ARHGAP10: variants seen among roughly 807,000 people sequenced by gnomAD.
The protein encoded by ARHGAP10 is Rho GTPase activating protein 10.
A neutral mutation model predicts 108.6 loss-of-function variants in ARHGAP10; 87 were observed. That is an observed-to-expected ratio of 0.80 (90% CI 0.67 to 0.96). ARHGAP10 has a LOEUF of 0.96. ARHGAP10 is among the 40% of genes least tolerant of loss of function. ARHGAP10 has a pLI of 0.00. For synonymous variants in ARHGAP10, 347 were observed against 341.1 expected (o/e 1.02, Z -0.19); for missense variants, 939 against 954.5 (o/e 0.98, Z 0.21).
intron 18 of ARHGAP10, among the ~76,000 whole-genome samples, chr4:147,981,821 C>T (rs1560857687): frequency 1.3e-5 from 2 of 151,806 alleles, no homozygotes. Flanking sequence ...CTTACTTGTC[C>T]TTTTTTTTAC....
chr4:148,004,135 T>C (rs916530830), intron 18 of ARHGAP10, among the ~76,000 whole-genome samples: 3 of 152,190 alleles, frequency 2.0e-5, no homozygotes, highest in Non-Finnish European at 4.4e-5. Flanking sequence ...AGACTGAGGC[T>C]GGAGGAGCCC....
At chr4:147,955,170 C>G (rs762106016) in intron 15 of ARHGAP10, 146 bp from the exon 16 acceptor site, 7 of 734,936 alleles carry the variant, frequency 9.5e-6, no homozygotes, top group African/African-American at 1.8e-5. Flanking sequence ...GTTTATGTAT[C>G]TTTTTTGATA....
Position 147,857,639 on chromosome 4 carries a change from C to G in ARHGAP10, c.471C>G (p.Asp157Glu), listed in dbSNP as rs770485582. The change falls in exon 5 of 23, where the codon GAC (aspartate) becomes GAG (glutamate). Residue 157 changes from aspartate to glutamate, a missense_variant. Coordinates refer to ENST00000336498, the MANE Select transcript of ARHGAP10 (RefSeq NM_024605.4). ...KHLNLSAKKK[D>E]SHLQEADIQV... is the part of the protein sequence containing the mutation. ...TGAATTTATCAGCAAAAAAGAAAGA[C>G]TCACATTTACAAGAGGTATAATTTT... 6.7e-7 allele frequency: 1 copy of G among 1,486,956 alleles called. No individual in the cohort carries two copies. Among genetic ancestry groups the G allele is most frequent in the Non-Finnish European group, 8.9e-7 (1 of 1,119,510 alleles). The allele number at this position is 1,486,956 out of a possible 1,614,324, so 92.1% of individuals were successfully genotyped here.
intron 10 of ARHGAP10, among the ~76,000 whole-genome samples, chr4:147,890,763 G>T (rs1185964707): frequency 6.6e-6 from 1 of 152,126 alleles, no homozygotes; most frequent in Non-Finnish European, 1.5e-5. Context: ...GGAGACGGAG[G>T]TTGCAGTGAG....
At chr4:147,969,891 C>T (rs1473288278) in intron 18 of ARHGAP10, among the ~76,000 whole-genome samples, 1 of 152,118 alleles carries the variant, frequency 6.6e-6, no homozygotes, top group African/African-American at 2.4e-5. Context: ...ATTAAGTGCT[C>T]TCAGGCTTTC....
At chr4:147,942,207 G>T (rs1026513577) in intron 14 of ARHGAP10, among the ~76,000 whole-genome samples, 1 of 152,122 alleles carries the variant, frequency 6.6e-6, no homozygotes, top group South Asian at 2.1e-4. Context: ...TTTTTTCAAG[G>T]AACATTTTGT....
At chr4:147,987,181 A>G (rs1274291735) in intron 18 of ARHGAP10, among the ~76,000 whole-genome samples, 1 of 152,270 alleles carries the variant, frequency 6.6e-6, no homozygotes, top group Non-Finnish European at 1.5e-5. Context: ...AACTGTAAAC[A>G]AATGTATTGA....
At position 147,857,569 on chromosome 4, in the gene ARHGAP10, T is replaced by G; in HGVS notation, c.401T>G (p.Phe134Cys). The G allele has an allele frequency of 6.7e-7, 1 of 1,485,570 alleles. No individual in the cohort carries two copies. The allele number at this position is 1,485,570 out of a possible 1,614,324, so 92.0% of individuals were successfully genotyped here. A position where few individuals can be genotyped will look rare whatever the true frequency, so the allele number is the denominator to read the frequency against. The change falls in exon 5 of 23, where the codon TTT (phenylalanine) becomes TGT (cysteine). Residue 134 changes from phenylalanine to cysteine, a missense_variant. Coordinates refer to ENST00000336498, the MANE Select transcript of ARHGAP10 (RefSeq NM_024605.4). ...LGAVKEEKKK[F>C]DKETEKNYSL... is the part of the protein sequence containing the mutation. ...TATTTGTAGGAAGAAAAAAAGAAGTTTGACAAAGAGACAGAAAAGAATTAT... is the reference window on the plus strand; with the variant it reads ...TATTTGTAGGAAGAAAAAAAGAAGTGTGACAAAGAGACAGAAAAGAATTAT...
chr4:147,933,028 ATC>A (rs1271148517), intron 13 of ARHGAP10, among the ~76,000 whole-genome samples: 2 of 152,128 alleles, frequency 1.3e-5, no homozygotes. Flanking sequence ...AATTATTTCA[ATC>A]TCTCTGTTAA....
intron 4 of ARHGAP10, chr4:147,854,782 A>G (rs1734022647): frequency 3.2e-5 from 32 of 985,356 alleles, no homozygotes; most frequent in Non-Finnish European, 3.9e-5. Flanking sequence ...GAAACAAAAC[A>G]CAGCAGCATT....
At chr4:147,987,421 T>C (rs1291250830) in intron 18 of ARHGAP10, among the ~76,000 whole-genome samples, 1 of 152,212 alleles carries the variant, frequency 6.6e-6, no homozygotes, top group African/African-American at 2.4e-5. Flanking sequence ...CCACTTCCTC[T>C]TTTTACCTTT....
intron 16 of ARHGAP10, among the ~76,000 whole-genome samples, chr4:147,956,536 G>T (rs1194593712): frequency 1.3e-5 from 2 of 152,084 alleles, no homozygotes; most frequent in African/African-American, 2.4e-5. Flanking sequence ...AATTTTTTCG[G>T]CAAAAACTCA....
chr4:148,013,427 G>A (rs1741237286), intron 18 of ARHGAP10, among the ~76,000 whole-genome samples: 1 of 152,162 alleles, frequency 6.6e-6, no homozygotes, highest in Non-Finnish European at 1.5e-5. Flanking sequence ...GAAAAGTTAT[G>A]CCTGTAATCC....
chr4:148,046,880 T>C lies in ARHGAP10; in HGVS notation c.1868-12T>C. ...GTATTTGTTTGATATTCAATGCTTT[T>C]TTTCCTCCTAGGTGACAATCCTTAC... On this transcript the variant is annotated splice_polypyrimidine_tract_variant and intron_variant, in intron 19 of 22. Coordinates refer to ENST00000336498, the MANE Select transcript of ARHGAP10 (RefSeq NM_024605.4). The C allele has an allele frequency of 6.2e-7, 1 of 1,605,302 alleles. No homozygotes were observed. The highest frequency in any genetic ancestry group is 8.5e-7 in the Non-Finnish European group (1 of 1,175,412).
At chr4:147,883,199 G>A (rs1166014737) in intron 10 of ARHGAP10, among the ~76,000 whole-genome samples, 3 of 152,180 alleles carry the variant, frequency 2.0e-5, no homozygotes, top group East Asian at 3.9e-4. Context: ...TTAAATAAGC[G>A]TTTTGCCAAG....
At chr4:147,785,664 A>T (rs970606231) in intron 1 of ARHGAP10, among the ~76,000 whole-genome samples, 1 of 152,148 alleles carries the variant, frequency 6.6e-6, no homozygotes, top group Admixed American at 6.5e-5. Context: ...TGAAAATACT[A>T]AGCTGCTTGA....
At chr4:148,070,337 G>A (rs1730112124) in intron 22 of ARHGAP10, among the ~76,000 whole-genome samples, 2 of 152,172 alleles carry the variant, frequency 1.3e-5, no homozygotes, top group Admixed American at 6.5e-5. Flanking sequence ...TAGCATTCAG[G>A]CCCAAGGGAA....
At position 148,063,141 on chromosome 4, in the gene ARHGAP10, C is replaced by A. The variant is rs374555328; in HGVS notation, c.2028-7C>A. The stretch of plus-strand genomic sequence containing the variant: ...ATTAATCCTGTCCTTCAAACTCCTA[C>A]CCTTAGCCCAGGCCAGACCCGATCG... On this transcript the variant is annotated splice_region_variant and splice_polypyrimidine_tract_variant and intron_variant, in intron 20 of 22. Coordinates refer to ENST00000336498, the MANE Select transcript of ARHGAP10 (RefSeq NM_024605.4). 32 of 1,613,956 alleles carry A rather than the reference C, an allele frequency of 2.0e-5. No individual in the cohort carries two copies. The highest frequency in any genetic ancestry group is 3.3e-5 in the Admixed American group (2 of 59,984).
intron 19 of ARHGAP10, among the ~76,000 whole-genome samples, chr4:148,043,024 T>A (rs986920910): frequency 6.6e-6 from 1 of 152,152 alleles, no homozygotes; most frequent in Non-Finnish European, 1.5e-5. Flanking sequence ...TCTCTAAGGC[T>A]TCCCAAGACC....
Sources: allele counts gnomAD v4.1 joint callset (sites outside exome capture counted in the v4.1 genomes callset), GRCh38; gene constraint gnomAD v4.1.1; transcripts MANE v1.5; gene names NCBI Gene and HGNC (gene_info 2026-07-23, HGNC 2026-07-21).